Variants in OR14L1 observed in about 807,000 individuals in gnomAD.
The protein encoded by OR14L1 is olfactory receptor family 14 subfamily L member 1, also known as olfactory receptor 14L1.
the OR14L1 span, among the ~76,000 whole-genome samples, chr1:247,618,315 G>T: frequency 1.3e-5 from 2 of 152,238 alleles, no homozygotes; most frequent in African/African-American, 4.8e-5. Flanking sequence ...TTTTGGATAT[G>T]ATGAAAATAG....
At chr1:247,619,948 T>C in the OR14L1 span, 2 of 152,294 alleles carry the variant, frequency 1.3e-5, no homozygotes, top group Admixed American at 1.3e-4. Flanking sequence ...AGCCTTCTTT[T>C]TCATGGACTT....
the OR14L1 span, among the ~76,000 whole-genome samples, chr1:247,618,476 C>T: frequency 0.29 from 43,468 of 151,624 alleles, 6,629 homozygotes; most frequent in East Asian, 0.44. Flanking sequence ...TTGGCTTAAA[C>T]ACTATAGAAG....
At chr1:247,617,930 C>T in the OR14L1 span, among the ~76,000 whole-genome samples, 3 of 152,166 alleles carry the variant, frequency 2.0e-5, no homozygotes, top group African/African-American at 7.2e-5. Context: ...TGATATTTCT[C>T]TTCCTGATTA....
the OR14L1 span, among the ~76,000 whole-genome samples, chr1:247,617,860 A>AT: frequency 6.6e-6 from 1 of 152,224 alleles, no homozygotes; most frequent in African/African-American, 2.4e-5. Flanking sequence ...TAAAAAATTC[A>AT]TAATAAAAGA....
chr1:247,619,416 G>A, the OR14L1 span, among the ~76,000 whole-genome samples: 41 of 152,052 alleles, frequency 2.7e-4, no homozygotes, highest in African/African-American at 6.5e-4. Flanking sequence ...TTTGGTTGTC[G>A]TCTTTTATAC....
chr1:247,618,364 A>G, the OR14L1 span, among the ~76,000 whole-genome samples: 2 of 152,146 alleles, frequency 1.3e-5, no homozygotes, highest in Non-Finnish European at 2.9e-5. Flanking sequence ...AGGCATATAC[A>G]ACTGCGAAAA....
the OR14L1 span, among the ~76,000 whole-genome samples, chr1:247,617,785 C>T: frequency 2.5e-5 from 1 of 39,284 alleles, no homozygotes; most frequent in Non-Finnish European, 4.7e-5. Flanking sequence ...GGTGAAAGTT[C>T]TGTATGTGTG....
At chr1:247,619,680 C>A in the OR14L1 span, 3 of 152,106 alleles carry the variant, frequency 2.0e-5, no homozygotes, top group Non-Finnish European at 2.9e-5. Flanking sequence ...AATTTTTCCT[C>A]ATGGGATTTT....
chr1:247,622,201 G>T, the OR14L1 span: 1 of 152,176 alleles, frequency 6.6e-6, no homozygotes, highest in East Asian at 1.9e-4. Flanking sequence ...CTTCACGTCT[G>T]TGTGTCACCT....
the OR14L1 span, chr1:247,621,494 A>C: frequency 6.6e-6 from 1 of 152,228 alleles, no homozygotes; most frequent in Non-Finnish European, 1.5e-5. Flanking sequence ...GAATGATTAA[A>C]TCAGGCAATG....
the OR14L1 span, chr1:247,619,601 C>T: frequency 2.4e-4 from 36 of 152,040 alleles, no homozygotes; most frequent in Admixed American, 2.2e-3. Flanking sequence ...TTTCTATAAT[C>T]CATTTTTTTT....
the OR14L1 span, among the ~76,000 whole-genome samples, chr1:247,618,853 C>A: frequency 6.6e-6 from 1 of 152,168 alleles, no homozygotes; most frequent in East Asian, 1.9e-4. Flanking sequence ...CTGTTCTCTG[C>A]AACTCTTCTA....
At chr1:247,621,302 A>C in the OR14L1 span, 3 of 152,214 alleles carry the variant, frequency 2.0e-5, no homozygotes, top group Non-Finnish European at 4.4e-5. Flanking sequence ...ATCTATATAA[A>C]TATTCATCTA....
the OR14L1 span, chr1:247,620,460 G>C: frequency 3.3e-5 from 5 of 151,970 alleles, no homozygotes; most frequent in African/African-American, 4.8e-5. Context: ...ATGTTTTCCT[G>C]TCTGCGTTCT....
the OR14L1 span, chr1:247,617,189 A>G: frequency 5.1e-4 from 77 of 152,340 alleles, no homozygotes; most frequent in African/African-American, 1.6e-3. Context: ...GGCACTCATC[A>G]AGTTTATATT....
chr1:247,620,711 T>G, the OR14L1 span: 1 of 152,196 alleles, frequency 6.6e-6, no homozygotes, highest in Admixed American at 6.5e-5. Context: ...AATTCAGCTA[T>G]AGTTTACCAT....
At chr1:247,617,548 C>A in the OR14L1 span, 1 of 152,112 alleles carries the variant, frequency 6.6e-6, no homozygotes, top group African/African-American at 2.4e-5. Flanking sequence ...ACAGTTATTT[C>A]TTTTTTTGGG....
chr1:247,618,558 TCGCAGA>T, the OR14L1 span, among the ~76,000 whole-genome samples: 1 of 151,442 alleles, frequency 6.6e-6, no homozygotes, highest in African/African-American at 2.4e-5. Flanking sequence ...ATAAAGTGAG[TCGCAGA>T]TGCTAGGAAA....
the OR14L1 span, among the ~76,000 whole-genome samples, chr1:247,619,245 T>G: frequency 6.6e-6 from 1 of 152,026 alleles, no homozygotes; most frequent in Non-Finnish European, 1.5e-5. Flanking sequence ...TAACACATAA[T>G]GAGCAAATAA....
Sources: allele counts gnomAD v4.1 joint callset (sites outside exome capture counted in the v4.1 genomes callset), GRCh38; gene constraint gnomAD v4.1.1; transcripts MANE v1.5; gene names NCBI Gene and HGNC (gene_info 2026-07-23, HGNC 2026-07-21).